ATP5PO: variants seen among roughly 807,000 people sequenced by gnomAD.
ATP5PO encodes ATP synthase peripheral stalk subunit OSCP.
Under a neutral mutation model 26.2 loss-of-function variants are expected in ATP5PO, and 14 were observed. That is an observed-to-expected ratio of 0.53 (90% confidence interval 0.35 to 0.83). The LOEUF (loss-of-function observed/expected upper bound fraction) is 0.83, where lower values mean the gene tolerates loss of function less well. Ranked by LOEUF, ATP5PO falls within the 40% of genes least tolerant of loss-of-function variation. The pLI is 0.01. For synonymous variants in ATP5PO, 106 were observed against 95.1 expected (o/e 1.12, Z -0.67); for missense variants, 241 against 258.5 (o/e 0.93, Z 0.46).
chr21:33,910,135 C>A (rs552344027), intron 3 of ATP5PO, among the ~76,000 whole-genome samples: 1 of 152,290 alleles, frequency 6.6e-6, no homozygotes, highest in East Asian at 1.9e-4. Context: ...CATGTTGCTC[C>A]AGAGTTCCAA....
chr21:33,914,469 G>C lies in ATP5PO; in HGVS notation c.68C>G (p.Pro23Arg), dbSNP rs1987288340. 6.2e-7 allele frequency: 1 copy of C among 1,612,796 alleles called. No individual in the cohort carries two copies. Residue 23 changes from proline to arginine, a missense_variant, in exon 2 of 7, where the codon CCA (proline) becomes CGA (arginine). This residue lies in a region of ATP5PO where 125 missense variants were observed against 108.5 expected (regional missense o/e 1.15). Coordinates refer to ENST00000290299, the MANE Select transcript of ATP5PO (RefSeq NM_001697.3). ...ACATACCCTCACAAGCTTGGCAAAT[G>C]GTCTGACCACAGAGGTACTGAAGCA... ...VRCFSTSVVR[P>R]FAKLVRPPVQ...
At position 33,907,260 on chromosome 21, in the gene ATP5PO, C is replaced by G; in HGVS notation, c.441+81G>C. 2.4e-6 allele frequency: 3 copies of G among 1,245,050 alleles called. No individual in the cohort carries two copies. The South Asian group carries it at 4.0e-5, about 16-fold the overall frequency. The allele number at this position is 1,245,050 out of a possible 1,614,324, so 77.1% of individuals were successfully genotyped here. A position where few individuals can be genotyped will look rare whatever the true frequency, so the allele number is the denominator to read the frequency against. ...TACCTTTCCCAATTTCTTGATTTTA[C>G]CCTGTTTTTCCCTTTTCTTCCTGCA... On this transcript the variant is annotated intron_variant, in intron 5 of 6. Coordinates refer to ENST00000290299, the MANE Select transcript of ATP5PO (RefSeq NM_001697.3).
At position 33,909,271 on chromosome 21, in the gene ATP5PO, T is replaced by C. The variant is rs575891774; in HGVS notation, c.199-60A>G. The C allele has an allele frequency of 2.5e-5, 39 of 1,538,398 alleles. No homozygotes were observed. The African/African-American group carries it at 4.0e-4, about 16-fold the overall frequency. On this transcript the variant is annotated intron_variant, in intron 3 of 6. Transcript: ENST00000290299. ...TAGAGCACAAATGAAGGATGTGCCA[T>C]GCACACACTTTCTTTCTTTCTTTTT...
At position 33,915,767 on chromosome 21, in the gene ATP5PO, C is replaced by T. The variant is rs762435556; in HGVS notation, c.-4G>A. On this transcript the variant is annotated 5_prime_UTR_variant, in exon 1 of 7. Transcript: ENST00000290299. The stretch of plus-strand genomic sequence containing the variant: ...CGGACACTGCTGGGGCAGCCATCTT[C>T]TCCCGGGCGGCTGTAGGTCAAACCC... The T allele has an allele frequency of 1.8e-5, 29 of 1,570,782 alleles. No homozygotes were observed. Among genetic ancestry groups the T allele is most frequent in the Non-Finnish European group, 2.5e-5 (29 of 1,158,624 alleles).
At chr21:33,914,019 C>G (rs527589106) in intron 2 of ATP5PO, among the ~76,000 whole-genome samples, 50 of 152,278 alleles carry the variant, frequency 3.3e-4, no homozygotes, top group African/African-American at 1.2e-3. Flanking sequence ...ACCTCGTGAT[C>G]TGCCCACCTC....
In ATP5PO at chr21:33,903,590, T is replaced by G. The variant is rs763459302; in HGVS notation, c.578A>C (p.Tyr193Ser). Reference protein sequence around the residue: ...GGMIVRIGEKYVDMSVKTKIQ... With the variant: ...GGMIVRIGEKSVDMSVKTKIQ... ...CTTGGTCTTGACAGACATGTCAACA[T>G]ATTTCTCGCCAATGCGCACAATCAT... The change falls in exon 7 of 7, where the codon TAT becomes TCT. Residue 193 changes from tyrosine (Y) to serine (S), a missense_variant. By Grantham distance (144) the Tyr-to-Ser change is moderately radical. Coordinates refer to ENST00000290299, the MANE Select transcript of ATP5PO (RefSeq NM_001697.3). The G allele has an allele frequency of 5.0e-6, 8 of 1,614,090 alleles. No individual in the cohort carries two copies. Among genetic ancestry groups the G allele is most frequent in the Non-Finnish European group, 6.8e-6 (8 of 1,180,046 alleles).
At chr21:33,904,768 T>C (rs1987146388) in intron 5 of ATP5PO, among the ~76,000 whole-genome samples, 1 of 152,068 alleles carries the variant, frequency 6.6e-6, no homozygotes, top group Non-Finnish European at 1.5e-5. Flanking sequence ...TGAGACCGAG[T>C]CTCGCTCTGT....
intron 5 of ATP5PO, among the ~76,000 whole-genome samples, chr21:33,905,918 G>GAAAAAGAAAA (rs1987164255): frequency 1.0e-5 from 1 of 98,436 alleles, no homozygotes; most frequent in Non-Finnish European, 1.9e-5. Flanking sequence ...TCTCAAAAAA[G>GAAAAAGAAAA]AAAAAAAAAA....
intron 1 of ATP5PO, chr21:33,914,990 C>CA (rs1470858907): frequency 6.5e-6 from 1 of 153,742 alleles, no homozygotes; most frequent in African/African-American, 2.4e-5. Flanking sequence ...CATCAAAAGA[C>CA]AGAGCTGGAA....
At position 33,908,232 on chromosome 21, in the gene ATP5PO, A is replaced by AT. The variant is rs1399978677; in HGVS notation, c.329-780dup. Among the ~76,000 whole-genome samples the AT allele has an allele frequency of 7.0e-3, 1,031 of 147,150 alleles. 7 individuals carry two copies. The highest frequency in any genetic ancestry group is 0.022 in the African/African-American group (902 of 40,354). ...ACTTGTTATTTAAAACGCATATCCA[A>AT]TTTTTTTTTTTTTAAATAGACTGCA... is the stretch of plus-strand genomic sequence containing the variant. On this transcript the variant is annotated intron_variant, in intron 4 of 6. Transcript: ENST00000290299.
At chr21:33,914,699 T>C (rs1987291663) in intron 1 of ATP5PO, 199 bp from the exon 2 acceptor site, 2 of 494,930 alleles carry the variant, frequency 4.0e-6, no homozygotes, top group Middle Eastern at 5.2e-4. Context: ...CCAAGTTGCT[T>C]GGGAAATCAC....
Position 33,903,932 on chromosome 21 carries a change from T to TACC in ATP5PO, c.528_528+2dup. On this transcript the variant is annotated splice_region_variant and intron_variant, in intron 6 of 6. Coordinates refer to ENST00000290299, the MANE Select transcript of ATP5PO (RefSeq NM_001697.3). ...AACGTACCATAAATAATTTAAAACCTACCTTAGCCTCCAATTTCAATACTT... is the reference window on the plus strand; with the variant it reads ...AACGTACCATAAATAATTTAAAACCTACCACCTTAGCCTCCAATTTCAATACTT... The TACC allele has an allele frequency of 6.3e-7, 1 of 1,599,678 alleles. No homozygotes were observed. Among genetic ancestry groups the TACC allele is most frequent in the Non-Finnish European group, 8.5e-7 (1 of 1,172,866 alleles).
chr21:33,904,063 CAG>C (rs777417149), intron 5 of ATP5PO, 42 bp from the exon 6 acceptor site: 2 of 1,527,774 alleles, frequency 1.3e-6, no homozygotes, highest in East Asian at 2.3e-5. Context: ...TAAAGCAAAA[CAG>C]AAACTTCCAG....
intron 1 of ATP5PO, 133 bp from the exon 2 acceptor site, chr21:33,914,633 A>G (rs1003124528): frequency 3.5e-5 from 27 of 777,564 alleles, no homozygotes; most frequent in Non-Finnish European, 2.7e-5. Flanking sequence ...CACATATTAC[A>G]TGAGGGTGAG....
intron 6 of ATP5PO, 142 bp downstream of exon 6, chr21:33,903,793 A>G: frequency 9.3e-7 from 1 of 1,080,904 alleles, no homozygotes; most frequent in South Asian, 1.7e-5. Context: ...TCAGATAATC[A>G]TTTAAATTTA....
chr21:33,909,909 G>C (rs1367784404), intron 3 of ATP5PO, among the ~76,000 whole-genome samples: 1 of 152,192 alleles, frequency 6.6e-6, no homozygotes, highest in Non-Finnish European at 1.5e-5. Context: ...TGACCACAGA[G>C]GCCTCCGCAC....
intron 1 of ATP5PO, chr21:33,914,749 G>A (rs1221747647): frequency 1.7e-5 from 8 of 465,918 alleles, no homozygotes; most frequent in Non-Finnish European, 2.3e-5. Flanking sequence ...ATGGACCGAG[G>A]CTAGCATACC....
chr21:33,910,836 T>C (rs1442441655), intron 3 of ATP5PO, among the ~76,000 whole-genome samples: 1 of 152,228 alleles, frequency 6.6e-6, no homozygotes, highest in Non-Finnish European at 1.5e-5. Context: ...CTAAAATTAT[T>C]CTGCCTGTTA....
chr21:33,912,165 T>C (rs1290939550), intron 3 of ATP5PO, 124 bp downstream of exon 3: 2 of 653,266 alleles, frequency 3.1e-6, no homozygotes, highest in East Asian at 2.8e-5. Flanking sequence ...AAAATGTGTT[T>C]ACAGACAATG....
Sources: allele counts gnomAD v4.1 joint callset (sites outside exome capture counted in the v4.1 genomes callset), GRCh38; gene constraint gnomAD v4.1.1; regional missense constraint gnomAD v4.1.1; transcripts MANE v1.5; gene names NCBI Gene and HGNC (gene_info 2026-07-23, HGNC 2026-07-21).